The following UGT2A1 variants were observed in gnomAD, a reference collection of about 807,000 sequenced individuals.
UGT2A1 encodes UDP glucuronosyltransferase family 2 member A1 complex locus.
A neutral mutation model predicts 45.4 loss-of-function variants in UGT2A1; 61 were observed. The observed-to-expected ratio is 1.34, with a 90% confidence interval of 1.09 to 1.66. The LOEUF (loss-of-function observed/expected upper bound fraction) is 1.66. Ranked by LOEUF, UGT2A1 falls within the 40% of genes most tolerant of loss-of-function variation. The pLI, the probability that UGT2A1 is intolerant of heterozygous loss-of-function variation, is 0.00. For synonymous variants in UGT2A1, 229 were observed against 196.2 expected (o/e 1.17, Z -1.40); for missense variants, 649 against 574.3 (o/e 1.13, Z -1.33).
intron 3 of UGT2A1, among the ~76,000 whole-genome samples, chr4:69,601,480 C>T (rs974719143): frequency 2.0e-5 from 3 of 152,154 alleles, no homozygotes; most frequent in African/African-American, 7.2e-5. Flanking sequence ...CACCTCTTGG[C>T]TAGAGGCCAA....
At chr4:69,596,363 G>A (rs1368446956) in intron 4 of UGT2A1, 2 of 1,596,726 alleles carry the variant, frequency 1.3e-6, no homozygotes, top group Non-Finnish European at 1.7e-6. Flanking sequence ...CCTGAGCTCT[G>A]GATAAATTCT....
chr4:69,634,101 C>T lies in UGT2A1; in HGVS notation c.847+1590G>A, dbSNP rs924901232. On this transcript the variant is annotated intron_variant, in intron 3 of 6. Coordinates refer to ENST00000286604, the MANE Select transcript of UGT2A1 (RefSeq NM_001252275.3). ...TCTACTAAAAATACAAAAAATTAGCCGGGCTTGGTGACCGGCGCCTGTAGT... is the reference window on the plus strand; with the variant it reads ...TCTACTAAAAATACAAAAAATTAGCTGGGCTTGGTGACCGGCGCCTGTAGT... Among the ~76,000 whole-genome samples, 13 of 152,042 alleles carry T rather than the reference C, an allele frequency of 8.6e-5. No individual in the cohort carries two copies. The East Asian group carries it at 2.5e-3, about 29-fold the overall frequency.
chr4:69,611,445 A>AG (rs1720042920), intron 3 of UGT2A1, among the ~76,000 whole-genome samples: 1 of 151,718 alleles, frequency 6.6e-6, no homozygotes, highest in Non-Finnish European at 1.5e-5. Flanking sequence ...AGAAATGATA[A>AG]GAAAAAAAAA....
intron 3 of UGT2A1, among the ~76,000 whole-genome samples, chr4:69,614,912 T>A (rs940624603): frequency 3.3e-5 from 5 of 151,946 alleles, no homozygotes; most frequent in African/African-American, 9.7e-5. Flanking sequence ...CTCAGACAAC[T>A]TACAATTGTG....
At chr4:69,631,836 A>G (rs1249087325) in intron 3 of UGT2A1, among the ~76,000 whole-genome samples, 1 of 152,192 alleles carries the variant, frequency 6.6e-6, no homozygotes, top group Non-Finnish European at 1.5e-5. Context: ...CTAAAAACAA[A>G]GATTGGTTGA....
At chr4:69,596,408 C>A (rs780072803) in intron 4 of UGT2A1, 2 of 1,531,556 alleles carry the variant, frequency 1.3e-6, no homozygotes, top group Admixed American at 2.0e-5. Flanking sequence ...TTTTCTATTA[C>A]AAAGGTGTAG....
chr4:69,606,582 G>T (rs1417053844), intron 3 of UGT2A1, among the ~76,000 whole-genome samples: 1 of 136,280 alleles, frequency 7.3e-6, no homozygotes, highest in East Asian at 2.1e-4. Flanking sequence ...GTGCAATCAG[G>T]CAGGAGAAGG....
At chr4:69,638,032 GA>G (rs1481120068) in intron 2 of UGT2A1, among the ~76,000 whole-genome samples, 2 of 150,106 alleles carry the variant, frequency 1.3e-5, no homozygotes, top group Admixed American at 1.3e-4. Context: ...AAGAAGGAAG[GA>G]AAAAAAGGAA....
At chr4:69,602,479 C>T (rs1272615272) in intron 3 of UGT2A1, among the ~76,000 whole-genome samples, 1 of 135,392 alleles carries the variant, frequency 7.4e-6, no homozygotes, top group Non-Finnish European at 1.6e-5. Context: ...ATCTATCTAT[C>T]TATCTATCTA....
In UGT2A1 at chr4:69,588,729, T is replaced by G. The variant is rs550203824; in HGVS notation, c.*643A>C. 6.6e-6 allele frequency: 1 copy of G among 152,214 alleles called. No individual in the cohort carries two copies. Among genetic ancestry groups the G allele is most frequent in the South Asian group, 2.1e-4 (1 of 4,822 alleles). The allele number at this position is 152,214 out of a possible 1,614,324, so 9.4% of individuals were successfully genotyped here. A position where few individuals can be genotyped will look rare whatever the true frequency, so the allele number is the denominator to read the frequency against. ...TCTTCCACTACAGGTTATATAAGAATATATGTTGAAGAAAGGCAGGCAAGT... is the reference window on the plus strand; with the variant it reads ...TCTTCCACTACAGGTTATATAAGAAGATATGTTGAAGAAAGGCAGGCAAGT... On this transcript the variant is annotated 3_prime_UTR_variant, in exon 7 of 7. Transcript: ENST00000286604.
At chr4:69,626,577 G>A (rs1441437559) in intron 3 of UGT2A1, among the ~76,000 whole-genome samples, 3 of 151,546 alleles carry the variant, frequency 2.0e-5, no homozygotes, top group African/African-American at 7.3e-5. Flanking sequence ...TCAAGCCTTA[G>A]TGACACGCAG....
Position 69,599,405 on chromosome 4 carries a change from T to C in UGT2A1, c.848-11A>G, listed in dbSNP as rs376314976. 12 of 1,611,270 alleles carry C rather than the reference T, an allele frequency of 7.4e-6. No homozygotes were observed. The African/African-American group carries it at 1.5e-4, about 20-fold the overall frequency. ...ACGTAGTGGGTCTTCCTGGAGAAAA[T>C]GTAACAAGTTGGATGGAGGAAATTA... On this transcript the variant is annotated splice_polypyrimidine_tract_variant and intron_variant, in intron 3 of 6. Transcript: ENST00000286604.
intron 2 of UGT2A1, among the ~76,000 whole-genome samples, chr4:69,645,771 G>A (rs1462840068): frequency 6.6e-6 from 1 of 151,776 alleles, no homozygotes; most frequent in Non-Finnish European, 1.5e-5. Context: ...AATATTCATT[G>A]AATTAATTCA....
At chr4:69,641,436 C>T (rs907919881) in intron 2 of UGT2A1, among the ~76,000 whole-genome samples, 4 of 151,756 alleles carry the variant, frequency 2.6e-5, no homozygotes, top group African/African-American at 9.7e-5. Flanking sequence ...GTCTTCTCTT[C>T]CGAAGTGCTC....
intron 1 of UGT2A1, among the ~76,000 whole-genome samples, chr4:69,651,506 CAA>C (rs1722523445): frequency 1.3e-5 from 2 of 152,162 alleles, no homozygotes; most frequent in African/African-American, 4.8e-5. Flanking sequence ...CTAGCATACT[CAA>C]ATATTTTCAT....
chr4:69,637,726 C>A (rs1042638075), intron 2 of UGT2A1, among the ~76,000 whole-genome samples: 2 of 152,014 alleles, frequency 1.3e-5, no homozygotes, highest in African/African-American at 4.8e-5. Flanking sequence ...TTGGTTGTCT[C>A]CTCTCATGAG....
chr4:69,630,204 T>C (rs1721305985), intron 3 of UGT2A1, among the ~76,000 whole-genome samples: 1 of 152,100 alleles, frequency 6.6e-6, no homozygotes, highest in African/African-American at 2.4e-5. Context: ...AATGAGGATA[T>C]ACCAATAGTA....
chr4:69,592,041 G>A (rs1347415265), intron 6 of UGT2A1, among the ~76,000 whole-genome samples: 1 of 152,090 alleles, frequency 6.6e-6, no homozygotes, highest in African/African-American at 2.4e-5. Context: ...GCTGAGTCTT[G>A]GTATGAATCT....
chr4:69,634,234 G>T (rs934824686), intron 3 of UGT2A1, among the ~76,000 whole-genome samples: 1 of 150,900 alleles, frequency 6.6e-6, no homozygotes, highest in Non-Finnish European at 1.5e-5. Context: ...GACAGAGCGA[G>T]ACTCCATCTC....
Sources: gnomAD v4.1 joint callset for allele counts (sites outside exome capture counted in the v4.1 genomes callset) on GRCh38, gnomAD v4.1.1 for gene constraint, MANE v1.5 for transcripts, NCBI Gene and HGNC (gene_info 2026-07-23, HGNC 2026-07-21) for gene names.